The following SSBP3 variants were observed in gnomAD, a reference collection of about 807,000 sequenced individuals.
SSBP3 encodes single-stranded DNA-binding protein 3.
In SSBP3, 5 loss-of-function variants were observed where a neutral mutation model predicts 69.6. The observed-to-expected ratio is 0.07, with a 90% CI of 0.04 to 0.15. The LOEUF is 0.15. Ranked by LOEUF, SSBP3 falls within the 10% of genes least tolerant of loss-of-function variation. The pLI is 1.00. For missense variants in SSBP3, 312 were observed against 534.0 expected (o/e 0.58, Z 4.10); for synonymous variants, 196 against 193.4 (o/e 1.01, Z -0.11).
chr1:54,382,598 C>A (rs1219157887), intron 4 of SSBP3, among the ~76,000 whole-genome samples: 1 of 152,138 alleles, frequency 6.6e-6, no homozygotes, highest in South Asian at 2.1e-4. Flanking sequence ...TCTTCCTAAA[C>A]TGATACTATT....
At chr1:54,277,404 T>C (rs1045142845) in intron 5 of SSBP3, among the ~76,000 whole-genome samples, 2 of 152,208 alleles carry the variant, frequency 1.3e-5, no homozygotes, top group Admixed American at 1.3e-4. Flanking sequence ...TCTAATTCTC[T>C]ACTCTCCCTG....
intron 5 of SSBP3, among the ~76,000 whole-genome samples, chr1:54,277,816 TTA>T (rs1645317802): frequency 6.6e-6 from 1 of 152,144 alleles, no homozygotes; most frequent in Non-Finnish European, 1.5e-5. Flanking sequence ...TTAGAAATTC[TTA>T]CTGGACAGTG....
chr1:54,406,990 A>T (rs920342617), upstream of SSBP3, among the ~76,000 whole-genome samples: 118 of 151,426 alleles, frequency 7.8e-4, no homozygotes, highest in Non-Finnish European at 1.3e-3. Context: ...CCTCTCGCCC[A>T]GTCTGGCTTC....
In SSBP3 at chr1:54,395,652, A is replaced by G. The variant is rs1648810982; in HGVS notation, c.276+6209T>C. On this transcript the variant is annotated intron_variant, in intron 4 of 17. Coordinates refer to ENST00000610401, the Ensembl canonical transcript of SSBP3. ...ACTATATTACTTAACCCTCACAACC[A>G]CTATGCAAAGGAATCAGCATTCCCC... Among the ~76,000 whole-genome samples, 6 of 152,148 alleles carry G rather than the reference A, an allele frequency of 3.9e-5. No homozygotes were observed. The South Asian group carries it at 1.2e-3, about 32-fold the overall frequency.
At chr1:54,257,747 C>T (rs1436138337) in intron 6 of SSBP3, among the ~76,000 whole-genome samples, 1 of 152,136 alleles carries the variant, frequency 6.6e-6, no homozygotes, top group East Asian at 1.9e-4. Flanking sequence ...GCTCGGGATG[C>T]AGCTTCGGTT....
chr1:54,238,785 C>A, intron 14 of SSBP3: 1 of 221,240 alleles, frequency 4.5e-6, no homozygotes, highest in Non-Finnish European at 8.5e-6. Context: ...AGGGATTGCC[C>A]GGGCCACAGC....
chr1:54,395,382 A>C (rs1272023521), intron 4 of SSBP3, among the ~76,000 whole-genome samples: 2 of 152,258 alleles, frequency 1.3e-5, no homozygotes, highest in African/African-American at 2.4e-5. Context: ...ACTGATGCCA[A>C]GCTGCATGCC....
intron 4 of SSBP3, among the ~76,000 whole-genome samples, chr1:54,358,466 G>A (rs1015909239): frequency 6.6e-6 from 1 of 152,188 alleles, no homozygotes; most frequent in African/African-American, 2.4e-5. Context: ...GAAGCTTCGT[G>A]AGCAACTCCA....
intron 4 of SSBP3, among the ~76,000 whole-genome samples, chr1:54,360,534 C>T (rs974013850): frequency 6.6e-6 from 1 of 152,140 alleles, no homozygotes; most frequent in Non-Finnish European, 1.5e-5. Flanking sequence ...AGCCTGTGAC[C>T]CAGGTAAACT....
intron 4 of SSBP3, among the ~76,000 whole-genome samples, chr1:54,287,655 T>C (rs535302888): frequency 3.3e-5 from 5 of 151,942 alleles, no homozygotes; most frequent in Non-Finnish European, 7.4e-5. Context: ...CCCGGGTCCC[T>C]CTGGGGCCAG....
chr1:54,346,522 TAC>T (rs1646693342), intron 4 of SSBP3, among the ~76,000 whole-genome samples: 2 of 151,972 alleles, frequency 1.3e-5, no homozygotes, highest in Non-Finnish European at 2.9e-5. Context: ...TATTTAGAAA[TAC>T]AGTCTCCTGG....
intron 4 of SSBP3, among the ~76,000 whole-genome samples, chr1:54,379,448 T>A (rs1318255345): frequency 6.6e-6 from 1 of 152,170 alleles, no homozygotes; most frequent in East Asian, 1.9e-4. Flanking sequence ...TCGACCAGGC[T>A]CCCAGGCTCC....
rs866865424 is a variant in SSBP3, at chr1:54,326,872, C to T, written c.277-45345G>A. ...CCTGTGGAAACATAATCCTAAGTAG[C>T]GCAGGCCATAAGGCAGGAACAATTT... is the stretch of plus-strand genomic sequence containing the variant. On this transcript the variant is annotated intron_variant, in intron 4 of 17. Transcript: ENST00000610401. Among the ~76,000 whole-genome samples the T allele has an allele frequency of 5.3e-5, 8 of 152,062 alleles. No individual in the cohort carries two copies. In the East Asian group the frequency reaches 5.8e-4, roughly 11 times the overall value.
At chr1:54,404,512 G>T in intron 3 of SSBP3, 64 bp downstream of exon 3, 2 of 1,593,768 alleles carry the variant, frequency 1.3e-6, no homozygotes, top group Non-Finnish European at 1.7e-6. Context: ...TCCCTTCTTT[G>T]TTCACTTGGA....
chr1:54,251,066 C>T lies in SSBP3; in HGVS notation c.651+550G>A, dbSNP rs1291767654. On this transcript the variant is annotated intron_variant, in intron 9 of 17. Transcript: ENST00000610401. ...TGCTGGGGTCCTGCCAGCGTGGCCC[C>T]CTCCCACCAGAGAATCGCGGACACA... 2.6e-5 allele frequency among the ~76,000 whole-genome samples: 4 copies of T among 152,206 alleles called. No homozygotes were observed. In the East Asian group the frequency reaches 7.7e-4, roughly 29 times the overall value.
intron 5 of SSBP3, among the ~76,000 whole-genome samples, chr1:54,266,423 G>A (rs1645104777): frequency 6.6e-6 from 1 of 152,146 alleles, no homozygotes. Context: ...AGTTTTGTTG[G>A]AACAGAGCCA....
chr1:54,342,839 G>C (rs975954456), intron 4 of SSBP3, among the ~76,000 whole-genome samples: 1 of 152,112 alleles, frequency 6.6e-6, no homozygotes, highest in East Asian at 1.9e-4. Context: ...CAGCCCTCTG[G>C]ATCCACTCTG....
intron 4 of SSBP3, among the ~76,000 whole-genome samples, chr1:54,292,336 C>T (rs1344600947): frequency 6.6e-6 from 1 of 152,234 alleles, no homozygotes; most frequent in African/African-American, 2.4e-5. Context: ...AAAACCCTGA[C>T]AGAAACTAGC....
chr1:54,371,663 T>G (rs1647136794), intron 4 of SSBP3, among the ~76,000 whole-genome samples: 1 of 152,114 alleles, frequency 6.6e-6, no homozygotes, highest in Non-Finnish European at 1.5e-5. Context: ...ATCATCAATA[T>G]CGAGAGAGAA....
Sources: gnomAD v4.1 joint callset for allele counts (sites outside exome capture counted in the v4.1 genomes callset) on GRCh38, gnomAD v4.1.1 for gene constraint, MANE v1.5 for transcripts, NCBI Gene and HGNC (gene_info 2026-07-23, HGNC 2026-07-21) for gene names.